LIPA: variants seen among roughly 807,000 people sequenced by gnomAD.
The protein encoded by LIPA is lysosomal acid lipase/cholesteryl ester hydrolase.
LIPA carries 26 observed loss-of-function variants against 40.6 expected under a neutral mutation model. The ratio of observed to expected loss-of-function variants is 0.64; its 90% confidence interval spans 0.47 to 0.89. The LOEUF is 0.89. Among genes scored for constraint, LIPA ranks in the 40% least tolerant of loss-of-function variants. The pLI, the probability that LIPA is intolerant of heterozygous loss-of-function variation, is 0.00. For missense variants in LIPA, 455 were observed against 479.6 expected (o/e 0.95, Z 0.48); for synonymous variants, 188 against 168.4 (o/e 1.12, Z -0.90).
chr10:89,303,009 C>CAAA (rs11420925), intron 1 of LIPA, among the ~76,000 whole-genome samples: 2 of 132,176 alleles, frequency 1.5e-5, no homozygotes, highest in Non-Finnish European at 3.3e-5. Flanking sequence ...TGCCTGATTT[C>CAAA]AAAAAAAAAA....
At chr10:89,363,857 G>T (rs528016576) in intron 2 of LIPA, among the ~76,000 whole-genome samples, 2 of 151,200 alleles carry the variant, frequency 1.3e-5, no homozygotes, top group South Asian at 4.2e-4. Flanking sequence ...AAAAATTTTA[G>T]TGCTTTACTG....
upstream of LIPA, among the ~76,000 whole-genome samples, chr10:89,252,433 A>G (rs1843139931): frequency 6.6e-6 from 1 of 152,010 alleles, no homozygotes; most frequent in South Asian, 2.1e-4. Flanking sequence ...GGGAAGAGAC[A>G]CATCATGAAT....
intron 2 of LIPA, among the ~76,000 whole-genome samples, chr10:89,394,993 A>G (rs1564807920): frequency 6.6e-6 from 1 of 151,968 alleles, no homozygotes; most frequent in Non-Finnish European, 1.5e-5. Context: ...TCCCTTTTTG[A>G]ATATTAAGTT....
upstream of LIPA, among the ~76,000 whole-genome samples, chr10:89,344,950 T>C (rs1843905992): frequency 1.3e-5 from 2 of 152,118 alleles, no homozygotes; most frequent in Non-Finnish European, 2.9e-5. Flanking sequence ...GGTGTATCAC[T>C]GAGGACAGGA....
chr10:89,332,760 T>C (rs1223624242), intron 1 of LIPA: 5 of 949,358 alleles, frequency 5.3e-6, no homozygotes, highest in Non-Finnish European at 8.3e-6. Context: ...CCTTACCAAT[T>C]CATGCATTTT....
chr10:89,248,048 G>A (rs1446260409), intron 1 of LIPA, among the ~76,000 whole-genome samples: 1 of 151,100 alleles, frequency 6.6e-6, no homozygotes, highest in African/African-American at 2.4e-5. Context: ...TTGTATTTTT[G>A]TAGCGATGGG....
upstream of LIPA, among the ~76,000 whole-genome samples, chr10:89,254,712 A>T (rs1187028549): frequency 6.6e-6 from 1 of 152,144 alleles, no homozygotes; most frequent in Non-Finnish European, 1.5e-5. Flanking sequence ...CTGAACTTTT[A>T]TGTTTTGTTT....
chr10:89,403,140 C>T, intron 2 of LIPA: 1 of 1,614,084 alleles, frequency 6.2e-7, no homozygotes, highest in South Asian at 1.1e-5. Context: ...CTTACTGCAT[C>T]ACCAGATAGG....
chr10:89,359,844 A>ACAAAC (rs1844011374), intron 2 of LIPA, among the ~76,000 whole-genome samples: 1 of 111,262 alleles, frequency 9.0e-6, no homozygotes, highest in Non-Finnish European at 1.9e-5. Context: ...CACACACACA[A>ACAAAC]ACACACACAC....
chr10:89,412,209 G>A (rs1416104200), intron 2 of LIPA, among the ~76,000 whole-genome samples: 1 of 152,148 alleles, frequency 6.6e-6, no homozygotes, highest in Non-Finnish European at 1.5e-5. Flanking sequence ...TTAGAGGGGG[G>A]ATTGAGAGGT....
chr10:89,217,742 C>T (rs1842645685), intron 8 of LIPA, among the ~76,000 whole-genome samples: 1 of 152,186 alleles, frequency 6.6e-6, no homozygotes. Flanking sequence ...TGTAGTATAT[C>T]ATCTCGCTCT....
chr10:89,359,096 T>C (rs371243318), intron 2 of LIPA, among the ~76,000 whole-genome samples: 28 of 152,170 alleles, frequency 1.8e-4, no homozygotes, highest in African/African-American at 5.1e-4. Flanking sequence ...GCTGCCCTTT[T>C]GTCCATTTTT....
rs1471299811 is a variant in LIPA at position 89,245,764 on chromosome 10, A to C, written c.141T>G (p.Pro47=). ...VSEIISYWGF[P]SEEYLVETED... is the part of the protein sequence containing the mutation. ...CTGTCTCAACTAGGTATTCCTCACT[A>C]GGGAATCCCCAGTAAGAGATAATTT... The change falls in exon 3 of 10, where the codon CCT becomes CCG. Residue 47 remains proline (P), a synonymous_variant. Coordinates refer to ENST00000336233, the MANE Select transcript of LIPA (RefSeq NM_000235.4). The C allele has an allele frequency of 6.3e-7, 1 of 1,588,956 alleles. No homozygotes were observed. The highest frequency in any genetic ancestry group is 8.6e-7 in the Non-Finnish European group (1 of 1,157,162).
intron 1 of LIPA, among the ~76,000 whole-genome samples, chr10:89,260,083 T>G (rs1369616819): frequency 6.6e-6 from 1 of 152,212 alleles, no homozygotes; most frequent in African/African-American, 2.4e-5. Flanking sequence ...AAAATACTAA[T>G]AGTTACTATT....
chr10:89,263,198 G>A (rs1245756275), intron 1 of LIPA, among the ~76,000 whole-genome samples: 1 of 152,186 alleles, frequency 6.6e-6, no homozygotes, highest in Non-Finnish European at 1.5e-5. Flanking sequence ...TGAACTGCAA[G>A]CCTATTGGGC....
chr10:89,229,795 T>TTGTGTGAA (rs968569658), intron 3 of LIPA, among the ~76,000 whole-genome samples: 4 of 151,578 alleles, frequency 2.6e-5, no homozygotes, highest in African/African-American at 9.7e-5. Flanking sequence ...ACTACGGACT[T>TTGTGTGAA]TGTGTGAATG....
intron 1 of LIPA, among the ~76,000 whole-genome samples, chr10:89,260,416 T>C (rs1843201443): frequency 6.6e-6 from 1 of 152,244 alleles, no homozygotes; most frequent in Admixed American, 6.5e-5. Context: ...CTGGGGAACC[T>C]GAGGCTCAAA....
chr10:89,359,081 G>T (rs1844004892), intron 2 of LIPA, among the ~76,000 whole-genome samples: 1 of 152,120 alleles, frequency 6.6e-6, no homozygotes, highest in South Asian at 2.1e-4. Flanking sequence ...GGTTTTCTCA[G>T]GTGAGCTGCC....
At chr10:89,362,799 G>GA in intron 2 of LIPA, 2 of 531,684 alleles carry the variant, frequency 3.8e-6, no homozygotes, top group Non-Finnish European at 6.4e-6. Flanking sequence ...GGCCTGCTTT[G>GA]AAAAGGCTCT....
Sources: allele counts gnomAD v4.1 joint callset (sites outside exome capture counted in the v4.1 genomes callset), GRCh38; gene constraint gnomAD v4.1.1; transcripts MANE v1.5; gene names NCBI Gene and HGNC (gene_info 2026-07-23, HGNC 2026-07-21).